ANKS1B: variants seen among roughly 807,000 people sequenced by gnomAD.
ANKS1B encodes the protein ankyrin repeat and sterile alpha motif domain-containing protein 1B.
ANKS1B carries 36 observed loss-of-function variants against 148.3 expected under a neutral mutation model. That is an observed-to-expected ratio of 0.24 (90% CI 0.19 to 0.32). The LOEUF is 0.32. Among genes scored for constraint, ANKS1B ranks in the 10% least tolerant of loss-of-function variants. The probability of loss-of-function intolerance (pLI) is 1.00; values close to 1 mark genes in which losing one functional copy is unlikely to be tolerated. For synonymous variants in ANKS1B, 542 were observed against 560.8 expected (o/e 0.97, Z 0.47); for missense variants, 1,157 against 1,542.6 (o/e 0.75, Z 4.19).
rs1161191193 is a variant in ANKS1B, at chr12:98,798,954, C to G, written c.3322G>C (p.Asp1108His). 1 of 1,610,848 alleles carries G rather than the reference C, an allele frequency of 6.2e-7. No homozygotes were observed. The highest frequency in any genetic ancestry group is 1.3e-5 in the African/African-American group (1 of 74,906). ...CTTACCCGCATTTTTGCACAAGCAT[C>G]TTGGGTTGATTCTGTCCCCCTAAGC... ...KELRGTESTQDACAKMRANCQ... is the reference protein window; with the variant it reads ...KELRGTESTQHACAKMRANCQ... Residue 1108 changes from aspartate to histidine, a missense_variant, in exon 22 of 27, where the codon GAT (aspartate) becomes CAT (histidine). By Grantham distance (81) the Asp-to-His change is moderately conservative. Coordinates refer to ENST00000683438, the MANE Select transcript of ANKS1B (RefSeq NM_001352186.2).
At chr12:99,897,402 T>A (rs2093423083) in intron 1 of ANKS1B, among the ~76,000 whole-genome samples, 1 of 151,226 alleles carries the variant, frequency 6.6e-6, no homozygotes, top group Admixed American at 6.6e-5. Context: ...ACTAGCAAAT[T>A]TGAGCAATGT....
intron 10 of ANKS1B, among the ~76,000 whole-genome samples, chr12:99,462,895 T>C (rs1228729187): frequency 6.6e-6 from 1 of 152,182 alleles, no homozygotes; most frequent in Non-Finnish European, 1.5e-5. Flanking sequence ...TCATGTGATA[T>C]GCCTTCTCCC....
chr12:99,009,704 A>G (rs755693204), intron 17 of ANKS1B, among the ~76,000 whole-genome samples: 2 of 152,146 alleles, frequency 1.3e-5, no homozygotes, highest in Non-Finnish European at 2.9e-5. Context: ...ATGTGAAATA[A>G]GTGAAGGGAA....
At chr12:99,373,996 C>T (rs1484047038) in intron 12 of ANKS1B, among the ~76,000 whole-genome samples, 1 of 152,150 alleles carries the variant, frequency 6.6e-6, no homozygotes, top group African/African-American at 2.4e-5. Flanking sequence ...CTGAACTAAC[C>T]TGGATGCTTA....
intron 12 of ANKS1B, among the ~76,000 whole-genome samples, chr12:99,309,580 C>T (rs1381405967): frequency 3.9e-5 from 6 of 152,006 alleles, no homozygotes; most frequent in Non-Finnish European, 7.4e-5. Context: ...TATGTATACA[C>T]ATTAATTTAG....
chr12:99,882,075 G>A (rs573125744), intron 1 of ANKS1B, among the ~76,000 whole-genome samples: 57 of 152,226 alleles, frequency 3.7e-4, no homozygotes, highest in Middle Eastern at 3.4e-3. Context: ...AATAGAAGAC[G>A]TGAAGAAGAA....
chr12:99,971,026 C>T (rs1603545786), intron 1 of ANKS1B, among the ~76,000 whole-genome samples: 1 of 148,618 alleles, frequency 6.7e-6, no homozygotes, highest in Admixed American at 6.7e-5. Context: ...AAGTAAAGAC[C>T]TATTTTTTGT....
chr12:99,759,389 T>C (rs1414759098), intron 8 of ANKS1B, among the ~76,000 whole-genome samples: 2 of 151,984 alleles, frequency 1.3e-5, no homozygotes, highest in African/African-American at 4.8e-5. Flanking sequence ...TGTTAGAGGC[T>C]GAATGAATTC....
At chr12:99,202,004 C>A (rs1358034065) in intron 14 of ANKS1B, among the ~76,000 whole-genome samples, 3 of 151,768 alleles carry the variant, frequency 2.0e-5, no homozygotes, top group South Asian at 2.1e-4. Context: ...ATGCTAGGAG[C>A]CAAAAATAAA....
At chr12:99,237,373 A>G (rs1296149043) in intron 14 of ANKS1B, among the ~76,000 whole-genome samples, 2 of 152,114 alleles carry the variant, frequency 1.3e-5, no homozygotes, top group Non-Finnish European at 2.9e-5. Flanking sequence ...CTCCACACAC[A>G]TTTGGTGTCA....
At chr12:99,956,163 A>AGGAG (rs2095320914) in intron 1 of ANKS1B, among the ~76,000 whole-genome samples, 1 of 151,688 alleles carries the variant, frequency 6.6e-6, no homozygotes, top group African/African-American at 2.4e-5. Context: ...CTATAATCCT[A>AGGAG]GATACTCAGG....
chr12:99,979,797 G>A (rs1244722347), intron 1 of ANKS1B, among the ~76,000 whole-genome samples: 1 of 152,062 alleles, frequency 6.6e-6, no homozygotes, highest in Non-Finnish European at 1.5e-5. Context: ...AGGAACAATG[G>A]AGAGAAATAG....
chr12:99,245,379 A>T (rs1375386761), intron 13 of ANKS1B, among the ~76,000 whole-genome samples: 1 of 152,230 alleles, frequency 6.6e-6, no homozygotes, highest in South Asian at 2.1e-4. Context: ...TTAAAGGAAG[A>T]TATGATGGTC....
intron 9 of ANKS1B, among the ~76,000 whole-genome samples, chr12:99,510,089 T>C (rs1475304614): frequency 6.6e-6 from 1 of 151,974 alleles, no homozygotes. Flanking sequence ...GACCTACTAT[T>C]CACAAGAAAA....
chr12:99,291,957 T>C (rs1383285269), intron 12 of ANKS1B, among the ~76,000 whole-genome samples: 18 of 152,176 alleles, frequency 1.2e-4, no homozygotes, highest in Admixed American at 1.2e-3. Flanking sequence ...TAGGCATATG[T>C]AGAAAGCTGA....
At chr12:99,940,289 T>G (rs1443831461) in intron 1 of ANKS1B, among the ~76,000 whole-genome samples, 2 of 152,124 alleles carry the variant, frequency 1.3e-5, no homozygotes, top group Non-Finnish European at 2.9e-5. Context: ...ATGTCCTAAA[T>G]AGGGCATGAC....
intron 9 of ANKS1B, among the ~76,000 whole-genome samples, chr12:99,635,880 G>C (rs1044379981): frequency 3.3e-5 from 5 of 151,546 alleles, no homozygotes; most frequent in Admixed American, 3.3e-4. Flanking sequence ...TTAATTTGGG[G>C]GTAGGAAGGA....
intron 9 of ANKS1B, among the ~76,000 whole-genome samples, chr12:99,521,408 T>C (rs1265242018): frequency 6.6e-6 from 1 of 152,156 alleles, no homozygotes; most frequent in Non-Finnish European, 1.5e-5. Context: ...CTGAGTTTAT[T>C]TGGTGAGGTC....
At chr12:98,858,583 G>A (rs2099583545) in intron 17 of ANKS1B, among the ~76,000 whole-genome samples, 1 of 152,140 alleles carries the variant, frequency 6.6e-6, no homozygotes, top group Non-Finnish European at 1.5e-5. Context: ...CAAGTGATCC[G>A]CTCGCCTCAG....
Sources: gnomAD v4.1 joint callset for allele counts (sites outside exome capture counted in the v4.1 genomes callset) on GRCh38, gnomAD v4.1.1 for gene constraint, MANE v1.5 for transcripts, NCBI Gene and HGNC (gene_info 2026-07-23, HGNC 2026-07-21) for gene names.